Variants in MANSC1 observed in about 807,000 individuals in gnomAD.
MANSC1 encodes the protein MANSC domain containing 1.
In MANSC1, 13 loss-of-function variants were observed where a neutral mutation model predicts 14.1. That is an observed-to-expected ratio of 0.92 (90% CI 0.60 to 1.46). The LOEUF is 1.46. Ranked by LOEUF, MANSC1 falls within the 40% of genes most tolerant of loss-of-function variation. The pLI is 0.00. For synonymous variants in MANSC1, 227 were observed against 200.7 expected (o/e 1.13, Z -1.11); for missense variants, 486 against 511.4 (o/e 0.95, Z 0.48).
At chr12:12,336,043 T>G (rs971079798) in intron 3 of MANSC1, among the ~76,000 whole-genome samples, 1 of 152,060 alleles carries the variant, frequency 6.6e-6, no homozygotes, top group Non-Finnish European at 1.5e-5. Context: ...ATTAGCCACG[T>G]GTAGTGGCAT....
intron 1 of MANSC1, among the ~76,000 whole-genome samples, chr12:12,347,235 A>C (rs1294426130): frequency 6.6e-6 from 1 of 152,226 alleles, no homozygotes; most frequent in East Asian, 1.9e-4. Context: ...GCAACTAGAC[A>C]GTACCATCTG....
At chr12:12,348,309 A>T (rs2136000081) in intron 1 of MANSC1, 1 of 152,360 alleles carries the variant, frequency 6.6e-6, no homozygotes, top group South Asian at 2.1e-4. Context: ...AGCAACCAAG[A>T]TGCCCATCAA....
Position 12,330,232 on chromosome 12 carries a change from G to A in MANSC1, c.1091C>T (p.Pro364Leu). Reference sequence around the variant, plus strand: ...AACACTGCCCTGGGAGGAACTGCCTGGACTGGCCTCCCTACCTTCCCAGGA... The same window carrying A: ...AACACTGCCCTGGGAGGAACTGCCTAGACTGGCCTCCCTACCTTCCCAGGA... ...TASWEGREASPGSSSQGSVPE... is the reference protein window; with the variant it reads ...TASWEGREASLGSSSQGSVPE... The change falls in exon 4 of 4, where the codon CCA (proline) becomes CTA (leucine). Residue 364 changes from proline (P) to leucine (L), a missense_variant. By Grantham distance (98) the Pro-to-Leu change is moderately conservative. Coordinates refer to ENST00000535902, the MANE Select transcript of MANSC1 (RefSeq NM_018050.4). 1 of 1,614,124 alleles carries A rather than the reference G, an allele frequency of 6.2e-7. No homozygotes were observed. Among genetic ancestry groups the A allele is most frequent in the Non-Finnish European group, 8.5e-7 (1 of 1,180,022 alleles).
intron 3 of MANSC1, among the ~76,000 whole-genome samples, chr12:12,334,153 G>A (rs1019351103): frequency 6.6e-6 from 1 of 151,940 alleles, no homozygotes; most frequent in Non-Finnish European, 1.5e-5. Context: ...TACTTGGGAG[G>A]CTGAATGGAG....
Position 12,330,330 on chromosome 12 carries a change from G to A in MANSC1, c.993C>T (p.Asn331=). The change falls in exon 4 of 4, where the codon AAC becomes AAT. Residue 331 remains asparagine, a synonymous_variant. Transcript: ENST00000535902. ...PFTEISNLTL[N]TGNVYNPTAL... The stretch of plus-strand genomic sequence containing the variant: ...CAGTAGGGTTATACACATTCCCTGT[G>A]TTCAAAGTTAGGTTGGAGATTTCTG... The A allele has an allele frequency of 1.2e-6, 2 of 1,614,204 alleles. No individual in the cohort carries two copies. The highest frequency in any genetic ancestry group is 1.7e-6 in the Non-Finnish European group (2 of 1,180,038).
At chr12:12,347,442 C>T (rs971320214) in intron 1 of MANSC1, among the ~76,000 whole-genome samples, 1 of 152,210 alleles carries the variant, frequency 6.6e-6, no homozygotes, top group Non-Finnish European at 1.5e-5. Flanking sequence ...CTCTCTGGCC[C>T]ACTGCTCACC....
intron 2 of MANSC1, among the ~76,000 whole-genome samples, chr12:12,339,725 T>C (rs1862910221): frequency 6.6e-6 from 1 of 152,208 alleles, no homozygotes; most frequent in Admixed American, 6.6e-5. Flanking sequence ...TTTGTGTTTT[T>C]CTTCCAATTA....
In MANSC1 at chr12:12,350,070, C is replaced by A. The variant is rs551651086; in HGVS notation, c.-101+8G>T. 2.6e-5 allele frequency: 4 copies of A among 152,334 alleles called. No homozygotes were observed. Among genetic ancestry groups the A allele is most frequent in the African/African-American group, 7.2e-5 (3 of 41,562 alleles). The allele number at this position is 152,334 out of a possible 1,614,324, so 9.4% of individuals were successfully genotyped here. ...GGTCGGGGGTGGGTATTGGGGAGAC[C>A]CCTTTACCTGGCGTCGAGAGGACCC... On this transcript the variant is annotated splice_region_variant and intron_variant, in intron 1 of 3. Coordinates refer to ENST00000535902, the MANE Select transcript of MANSC1 (RefSeq NM_018050.4).
chr12:12,348,265 G>A (rs11608549), intron 1 of MANSC1: 66,795 of 151,926 alleles, frequency 0.44, 15,075 homozygotes, highest in East Asian at 0.62. Flanking sequence ...TAGAATATTT[G>A]TAGTAGCTTT....
chr12:12,344,155 T>A (rs559335463), intron 1 of MANSC1, among the ~76,000 whole-genome samples: 2 of 151,868 alleles, frequency 1.3e-5, no homozygotes, highest in African/African-American at 4.8e-5. Flanking sequence ...ATATACTAGA[T>A]GGTAGACATT....
In MANSC1 at chr12:12,329,920, T is replaced by C. The variant is rs1199545275; in HGVS notation, c.*107A>G. ...AAAAGGAAAGCAGAAGGGGGCATTT[T>C]CCTGTCTTCAAAATACAACCTCCTG... On this transcript the variant is annotated 3_prime_UTR_variant, in exon 4 of 4. Coordinates refer to ENST00000535902, the MANE Select transcript of MANSC1 (RefSeq NM_018050.4). The C allele has an allele frequency of 1.1e-6, 1 of 929,362 alleles. No homozygotes were observed. The highest frequency in any genetic ancestry group is 1.7e-5 in the African/African-American group (1 of 59,818). The allele number at this position is 929,362 out of a possible 1,614,324, so 57.6% of individuals were successfully genotyped here. A position where few individuals can be genotyped will look rare whatever the true frequency, so the allele number is the denominator to read the frequency against.
Position 12,344,915 on chromosome 12 carries a change from CCATATATATATA to C in MANSC1, c.-100-1513_-100-1502del, listed in dbSNP as rs1484614000. Among the ~76,000 whole-genome samples, 32 of 30,056 alleles carry C rather than the reference CCATATATATATA, an allele frequency of 1.1e-3. 2 individuals are homozygous for C. Among genetic ancestry groups the C allele is most frequent in the African/African-American group, 3.6e-3 (32 of 8,936 alleles). The allele number at this position is 30,056 out of a possible 152,430, so 19.7% of individuals were successfully genotyped here. A position where few individuals can be genotyped will look rare whatever the true frequency, so the allele number is the denominator to read the frequency against. On this transcript the variant is annotated intron_variant, in intron 1 of 3. Transcript: ENST00000535902. Reference sequence around the variant, plus strand: ...ATGTGAGTTAATACTTAATAAACTCCCATATATATATATATATATATATATATATATATATAT... The same window carrying C: ...ATGTGAGTTAATACTTAATAAACTCCTATATATATATATATATATATATAT...
intron 1 of MANSC1, among the ~76,000 whole-genome samples, chr12:12,346,467 C>T (rs544012094): frequency 1.3e-5 from 2 of 152,174 alleles, no homozygotes; most frequent in Admixed American, 6.5e-5. Flanking sequence ...CAACACTTAC[C>T]GTAAAGCTAC....
chr12:12,341,091 C>T (rs1862926752), intron 2 of MANSC1, among the ~76,000 whole-genome samples: 1 of 152,122 alleles, frequency 6.6e-6, no homozygotes, highest in African/African-American at 2.4e-5. Flanking sequence ...TATCACAAGA[C>T]TGCCCTCATT....
At chr12:12,348,970 T>A (rs950404798) in intron 1 of MANSC1, among the ~76,000 whole-genome samples, 2 of 152,196 alleles carry the variant, frequency 1.3e-5, no homozygotes, top group Non-Finnish European at 2.9e-5. Flanking sequence ...TATTAACCTA[T>A]TAAGTAACAA....
At chr12:12,349,761 G>T (rs989766515) in intron 1 of MANSC1, among the ~76,000 whole-genome samples, 1 of 152,234 alleles carries the variant, frequency 6.6e-6, no homozygotes, top group South Asian at 2.1e-4. Context: ...TCAACGACAA[G>T]AAAACAGGGA....
intron 2 of MANSC1, among the ~76,000 whole-genome samples, chr12:12,340,568 T>C (rs1862920298): frequency 3.3e-5 from 5 of 152,206 alleles, no homozygotes; most frequent in Admixed American, 3.3e-4. Flanking sequence ...TTTTCTAGAG[T>C]ATCATCGAGT....
In MANSC1 at chr12:12,338,477, C is replaced by T. The variant is rs986784886; in HGVS notation, c.307G>A (p.Glu103Lys). The T allele has an allele frequency of 2.1e-5, 34 of 1,613,204 alleles. No homozygotes were observed. The highest frequency in any genetic ancestry group is 1.3e-4 in the Admixed American group (8 of 59,762). Residue 103 changes from glutamate to lysine, a missense_variant, in exon 3 of 4, where the codon GAG becomes AAG. By Grantham distance (56) the Glu-to-Lys change is moderately conservative. Transcript: ENST00000535902. ...PNCYLFFCPN[E>K]EACPLKPAKG... ...GCTGGTTTCAATGGACAGGCTTCCT[C>T]GTTGGGACAGAAAAATAGGTAGCAG...
rs541412913 is a variant in MANSC1, at chr12:12,337,236, C to T, written c.364+1184G>A. Among the ~76,000 whole-genome samples, 3 of 152,068 alleles carry T rather than the reference C, an allele frequency of 2.0e-5. No homozygotes were observed. The East Asian group carries it at 5.8e-4, about 29-fold the overall frequency. The stretch of plus-strand genomic sequence containing the variant: ...TGGTTGCAGTGAGCTGAGATCGCAC[C>T]ACTGCACTCCAGCCTGGGCGACAGA... On this transcript the variant is annotated intron_variant, in intron 3 of 3. Coordinates refer to ENST00000535902, the MANE Select transcript of MANSC1 (RefSeq NM_018050.4).
Sources: allele counts gnomAD v4.1 joint callset (sites outside exome capture counted in the v4.1 genomes callset), GRCh38; gene constraint gnomAD v4.1.1; transcripts MANE v1.5; gene names NCBI Gene and HGNC (gene_info 2026-07-23, HGNC 2026-07-21).